Variants in ANAPC4 observed in about 807,000 individuals in gnomAD.
ANAPC4 encodes the protein anaphase promoting complex subunit 4, also known as anaphase-promoting complex subunit 4.
ANAPC4 carries 63 observed loss-of-function variants against 119.8 expected under a neutral mutation model. That is an observed-to-expected ratio of 0.53 (90% confidence interval 0.43 to 0.65). ANAPC4 has a LOEUF of 0.65. Among genes scored for constraint, ANAPC4 ranks in the 30% least tolerant of loss-of-function variants. The pLI is 0.00. For missense variants in ANAPC4, 716 were observed against 945.1 expected (o/e 0.76, Z 3.18); for synonymous variants, 283 against 318.6 (o/e 0.89, Z 1.19).
In ANAPC4 at chr4:25,406,854, TTGC is replaced by T; in HGVS notation, c.1346_1348del (p.Ala449del). ...ATGACTCAGAAAGATATCACATTTG[TTGC>T]TGAATTTCTTACTGAACATTTCAAT... On this transcript the variant is annotated inframe_deletion, in exon 19 of 29. Coordinates refer to ENST00000315368, the MANE Select transcript of ANAPC4 (RefSeq NM_013367.3). The T allele has an allele frequency of 6.2e-7, 1 of 1,604,434 alleles. No homozygotes were observed. The highest frequency in any genetic ancestry group is 8.5e-7 in the Non-Finnish European group (1 of 1,176,480).
rs1016817242 is a variant in ANAPC4, at chr4:25,414,809, A to G, written c.1826+109A>G. On this transcript the variant is annotated intron_variant, in intron 25 of 28. Transcript: ENST00000315368. The stretch of plus-strand genomic sequence containing the variant: ...GATTTTAAACTACTTTGTGACTTTT[A>G]GATGTGTCATTTAATTGTTAGTTTT... 7 of 1,024,134 alleles carry G rather than the reference A, an allele frequency of 6.8e-6. No homozygotes were observed. In the African/African-American group the frequency reaches 1.2e-4, roughly 17 times the overall value. The allele number at this position is 1,024,134 out of a possible 1,614,324, so 63.4% of individuals were successfully genotyped here. A position where few individuals can be genotyped will look rare whatever the true frequency, so the allele number is the denominator to read the frequency against.
chr4:25,398,674 C>G (rs1560439415), intron 16 of ANAPC4, among the ~76,000 whole-genome samples: 1 of 152,094 alleles, frequency 6.6e-6, no homozygotes. Context: ...AGAAAGATCC[C>G]TCTTGCTGCT....
chr4:25,403,786 C>T (rs1723106978), intron 17 of ANAPC4, among the ~76,000 whole-genome samples: 1 of 152,212 alleles, frequency 6.6e-6, no homozygotes, highest in Non-Finnish European at 1.5e-5. Context: ...ATTACCACTT[C>T]TATTGTGTAT....
At chr4:25,378,518 GGTACCGTC>G (rs1308612302) in intron 2 of ANAPC4, among the ~76,000 whole-genome samples, 6 of 152,234 alleles carry the variant, frequency 3.9e-5, no homozygotes, top group African/African-American at 1.4e-4. Context: ...AGCAGCAGGT[GGTACCGTC>G]ACAGAAGTAG....
At chr4:25,397,216 G>A (rs995632504) in intron 16 of ANAPC4, among the ~76,000 whole-genome samples, 6 of 152,094 alleles carry the variant, frequency 3.9e-5, no homozygotes, top group African/African-American at 1.2e-4. Flanking sequence ...CATTTCTTTT[G>A]TCAATTTTTA....
At chr4:25,402,198 T>G (rs1723016263) in intron 16 of ANAPC4, among the ~76,000 whole-genome samples, 1 of 152,174 alleles carries the variant, frequency 6.6e-6, no homozygotes, top group South Asian at 2.1e-4. Context: ...GCGTTTTACT[T>G]TGTACTGAAA....
chr4:25,407,034 A>G (rs1274044271), intron 19 of ANAPC4, 149 bp downstream of exon 19: 7 of 898,234 alleles, frequency 7.8e-6, no homozygotes, highest in South Asian at 1.7e-5. Flanking sequence ...GTTTATAAAC[A>G]TAGTCAATAA....
chr4:25,395,169 TATTTTGAA>T, intron 14 of ANAPC4: 1 of 306,926 alleles, frequency 3.3e-6, no homozygotes, highest in Non-Finnish European at 5.9e-6. Context: ...GCATGAAGTA[TATTTTGAA>T]ATAAGGCATA....
intron 19 of ANAPC4, 56 bp downstream of exon 19, chr4:25,406,941 A>G (rs1723283366): frequency 2.3e-6 from 3 of 1,327,666 alleles, no homozygotes; most frequent in Non-Finnish European, 2.1e-6. Flanking sequence ...GTAAACCTGG[A>G]TAATGACAAG....
chr4:25,404,294 A>T (rs1723136685), intron 17 of ANAPC4, among the ~76,000 whole-genome samples: 1 of 152,236 alleles, frequency 6.6e-6, no homozygotes, highest in Non-Finnish European at 1.5e-5. Flanking sequence ...CAGAGAGCTT[A>T]TCAGGCTGGC....
chr4:25,379,515 G>A (rs1045530171), intron 2 of ANAPC4, among the ~76,000 whole-genome samples: 2 of 152,312 alleles, frequency 1.3e-5, no homozygotes, highest in East Asian at 3.9e-4. Context: ...CAGTACAGGG[G>A]CTGTGGGATA....
At chr4:25,393,931 T>G (rs768514887) in intron 11 of ANAPC4, 40 bp downstream of exon 11, 3 of 1,474,570 alleles carry the variant, frequency 2.0e-6, no homozygotes, top group Non-Finnish European at 2.8e-6. Flanking sequence ...AGTTAAAGAA[T>G]GCATGATGTA....
At position 25,394,379 on chromosome 4, in the gene ANAPC4, TAAACTC is replaced by T. The variant is rs67979515; in HGVS notation, c.941+7_941+12del. The T allele has an allele frequency of 0.049, 77,707 of 1,573,276 alleles. 2,561 individuals are homozygous for T. Among genetic ancestry groups the T allele is most frequent in the South Asian group, 0.15 (12,005 of 82,772 alleles). On this transcript the variant is annotated splice_donor_region_variant and intron_variant, in intron 12 of 28. Coordinates refer to ENST00000315368, the MANE Select transcript of ANAPC4 (RefSeq NM_013367.3). ...GCTATTATGGGGGAAAGCAAGGTAATAAACTCAGATTAGGTGCTCCTGTTTTTGCTT... is the reference window on the plus strand; with the variant it reads ...GCTATTATGGGGGAAAGCAAGGTAATAGATTAGGTGCTCCTGTTTTTGCTT...
chr4:25,406,381 A>G (rs1481308604), intron 18 of ANAPC4, among the ~76,000 whole-genome samples: 1 of 152,212 alleles, frequency 6.6e-6, no homozygotes, highest in African/African-American at 2.4e-5. Context: ...TAATTTTCTG[A>G]GGGCTGAAGA....
chr4:25,394,437 A>G (rs1250152364), intron 12 of ANAPC4, 63 bp downstream of exon 12: 10 of 1,403,984 alleles, frequency 7.1e-6, no homozygotes, highest in Non-Finnish European at 9.7e-6. Flanking sequence ...TATTTATTTG[A>G]AAAGTAGTTT....
Position 25,384,275 on chromosome 4 carries a change from C to G in ANAPC4, c.368+882C>G, listed in dbSNP as rs148263577. Among the ~76,000 whole-genome samples the G allele has an allele frequency of 4.6e-5, 7 of 152,320 alleles. No individual in the cohort carries two copies. In the East Asian group the frequency reaches 1.4e-3, roughly 29 times the overall value. On this transcript the variant is annotated intron_variant, in intron 4 of 28. Transcript: ENST00000315368. ...TCTACTTCTAATTCTAGTTCTCTTG[C>G]TATTTCCACCAGATCTGCAGTTACT...
intron 4 of ANAPC4, 113 bp downstream of exon 4, chr4:25,383,506 G>T: frequency 4.7e-6 from 5 of 1,072,784 alleles, no homozygotes; most frequent in South Asian, 3.3e-5. Context: ...TTAAATTTTG[G>T]TTTCAGTTTA....
chr4:25,393,907 T>C lies in ANAPC4; in HGVS notation c.876+16T>C. On this transcript the variant is annotated intron_variant, in intron 11 of 28. Transcript: ENST00000315368. ...GTTTGTGCAGGTAAAGCAGCTGAAG[T>C]TTCCCATGGAGAGAGTTAAAGAATG... The C allele has an allele frequency of 6.3e-7, 1 of 1,592,772 alleles. No homozygotes were observed. Among genetic ancestry groups the C allele is most frequent in the East Asian group, 2.3e-5 (1 of 44,348 alleles).
chr4:25,407,162 G>A (rs1723297357), intron 19 of ANAPC4, 35 bp from the exon 20 acceptor site: 1 of 1,543,432 alleles, frequency 6.5e-7, no homozygotes, highest in Non-Finnish European at 8.9e-7. Context: ...TTCGTGAGTT[G>A]ACTTAAGAAT....
Sources: allele counts gnomAD v4.1 joint callset (sites outside exome capture counted in the v4.1 genomes callset), GRCh38; gene constraint gnomAD v4.1.1; transcripts MANE v1.5; gene names NCBI Gene and HGNC (gene_info 2026-07-23, HGNC 2026-07-21).